The following IQCK variants were observed in gnomAD, a reference collection of about 807,000 sequenced individuals.
IQCK encodes IQ motif containing K, also known as IQ domain-containing protein K.
In IQCK, 29 loss-of-function variants were observed where a neutral mutation model predicts 28.1. The ratio of observed to expected loss-of-function variants is 1.03; its 90% CI spans 0.77 to 1.41. The LOEUF is 1.41. Among genes scored for constraint, IQCK ranks in the 40% most tolerant of loss-of-function variants. IQCK has a pLI of 0.00. For synonymous variants in IQCK, 113 were observed against 115.1 expected, an observed-to-expected ratio of 0.98 and a Z score of 0.12; for missense variants, 359 against 314.7, an observed-to-expected ratio of 1.14 and a Z score of -1.07.
chr16:19,803,737 T>A (rs2055791386), intron 7 of IQCK, among the ~76,000 whole-genome samples: 1 of 152,138 alleles, frequency 6.6e-6, no homozygotes, highest in Admixed American at 6.6e-5. Context: ...ACTACGGACT[T>A]GAACTCATGA....
chr16:19,730,050 G>A (rs1396199022), intron 1 of IQCK, among the ~76,000 whole-genome samples: 1 of 151,510 alleles, frequency 6.6e-6, no homozygotes, highest in East Asian at 1.9e-4. Context: ...CTGCCTCCCG[G>A]GTTCAAGCAA....
At chr16:19,833,840 C>T (rs1373219044) in intron 9 of IQCK, among the ~76,000 whole-genome samples, 1 of 152,110 alleles carries the variant, frequency 6.6e-6, no homozygotes, top group Non-Finnish European at 1.5e-5. Flanking sequence ...GCTGTAATCC[C>T]AGTGCTTTGG....
chr16:19,840,538 A>G (rs112354852), intron 9 of IQCK, among the ~76,000 whole-genome samples: 1,764 of 152,310 alleles, frequency 0.012, 36 homozygotes, highest in African/African-American at 0.041. Flanking sequence ...ATAATTTCTA[A>G]AAATAATAAA....
chr16:19,838,866 A>G (rs551662327), intron 9 of IQCK, among the ~76,000 whole-genome samples: 159 of 151,814 alleles, frequency 1.0e-3, no homozygotes, highest in African/African-American at 3.7e-3. Context: ...TAAAAATACA[A>G]TAATTAGCCA....
intron 6 of IQCK, among the ~76,000 whole-genome samples, chr16:19,765,718 C>T (rs1462436877): frequency 6.6e-6 from 1 of 151,950 alleles, no homozygotes; most frequent in East Asian, 1.9e-4. Flanking sequence ...AGGAGAGAAA[C>T]ATAGGAAAAC....
At chr16:19,728,794 G>A (rs576642484) in intron 1 of IQCK, among the ~76,000 whole-genome samples, 2 of 152,310 alleles carry the variant, frequency 1.3e-5, no homozygotes, top group African/African-American at 4.8e-5. Flanking sequence ...TTGGTATTGA[G>A]AAATAAATTG....
chr16:19,784,783 T>G (rs1232180393), intron 6 of IQCK, among the ~76,000 whole-genome samples: 1 of 152,174 alleles, frequency 6.6e-6, no homozygotes, highest in Non-Finnish European at 1.5e-5. Flanking sequence ...ATTTTTTTCT[T>G]TTTGAGATGG....
At chr16:19,814,920 G>A (rs985925847) in intron 7 of IQCK, among the ~76,000 whole-genome samples, 2 of 151,184 alleles carry the variant, frequency 1.3e-5, no homozygotes, top group African/African-American at 4.9e-5. Flanking sequence ...CCAAGTAGCT[G>A]GAAATACAGG....
At chr16:19,738,916 G>A (rs567290027) in intron 4 of IQCK, among the ~76,000 whole-genome samples, 1 of 152,270 alleles carries the variant, frequency 6.6e-6, no homozygotes, top group Admixed American at 6.5e-5. Context: ...GGAAGGTGGG[G>A]AAGAGGGTTG....
chr16:19,817,659 A>G (rs919461905), intron 7 of IQCK, among the ~76,000 whole-genome samples: 14 of 151,754 alleles, frequency 9.2e-5, no homozygotes, highest in African/African-American at 3.2e-4. Context: ...ATGGAGAGTC[A>G]AACGATTATA....
chr16:19,726,872 GC>G (rs1225306208), intron 1 of IQCK, among the ~76,000 whole-genome samples: 1 of 152,126 alleles, frequency 6.6e-6, no homozygotes, highest in African/African-American at 2.4e-5. Context: ...GCTGGCTGAA[GC>G]CTGTAATTCC....
chr16:19,780,850 C>T (rs1445036891), intron 6 of IQCK, among the ~76,000 whole-genome samples: 1 of 152,224 alleles, frequency 6.6e-6, no homozygotes, highest in Admixed American at 6.5e-5. Context: ...TTTAGAAGCG[C>T]ATATATTACT....
chr16:19,751,857 C>T (rs1360362361), intron 4 of IQCK, among the ~76,000 whole-genome samples: 2 of 152,126 alleles, frequency 1.3e-5, no homozygotes, highest in African/African-American at 4.8e-5. Flanking sequence ...ATTGAATCTG[C>T]ATTGCCATTG....
intron 6 of IQCK, among the ~76,000 whole-genome samples, chr16:19,767,056 G>A (rs960475506): frequency 5.3e-5 from 8 of 152,136 alleles, no homozygotes; most frequent in South Asian, 2.1e-4. Flanking sequence ...TGTCCCCCTC[G>A]CAGGGCATGC....
At chr16:19,726,300 T>C (rs969501242) in intron 1 of IQCK, among the ~76,000 whole-genome samples, 1 of 152,242 alleles carries the variant, frequency 6.6e-6, no homozygotes, top group African/African-American at 2.4e-5. Context: ...TTTTTTCTTT[T>C]ACATGTGTTG....
chr16:19,771,173 C>G (rs867780190), intron 6 of IQCK, among the ~76,000 whole-genome samples: 1 of 152,178 alleles, frequency 6.6e-6, no homozygotes, highest in African/African-American at 2.4e-5. Flanking sequence ...CTCACTGCAG[C>G]CTTGACTTCC....
chr16:19,856,726 AAAAG>A, exon 10 of IQCK: 1 of 586,684 alleles, frequency 1.7e-6, no homozygotes, highest in Non-Finnish European at 3.0e-6. Context: ...AATAGTTTAG[AAAAG>A]AAAGGACCAG....
intron 4 of IQCK, among the ~76,000 whole-genome samples, chr16:19,743,514 T>C (rs2054865913): frequency 1.3e-5 from 2 of 152,226 alleles, no homozygotes. Context: ...TGAGCCTTGC[T>C]TTGTGCCAGA....
chr16:19,737,106 G>A (rs1429371422), intron 4 of IQCK, among the ~76,000 whole-genome samples: 2 of 151,938 alleles, frequency 1.3e-5, no homozygotes, highest in African/African-American at 4.8e-5. Context: ...AGGCTGCAGT[G>A]TGCCATGATC....
Sources: gnomAD v4.1 joint callset for allele counts (sites outside exome capture counted in the v4.1 genomes callset) on GRCh38, gnomAD v4.1.1 for gene constraint, MANE v1.5 for transcripts, NCBI Gene and HGNC (gene_info 2026-07-23, HGNC 2026-07-21) for gene names.